FZD10: variants seen among roughly 807,000 people sequenced by gnomAD.
The protein encoded by FZD10 is frizzled-10.
A neutral mutation model predicts 24.4 loss-of-function variants in FZD10; 14 were observed. The ratio of observed to expected loss-of-function variants is 0.57; its 90% confidence interval spans 0.38 to 0.90. The LOEUF (loss-of-function observed/expected upper bound fraction) is 0.90. Ranked by LOEUF, FZD10 falls within the 40% of genes least tolerant of loss-of-function variation. The probability of loss-of-function intolerance (pLI) is 0.00; values close to 1 mark genes in which losing one functional copy is unlikely to be tolerated. For missense variants in FZD10, 775 were observed against 816.6 expected (o/e 0.95, Z 0.62); for synonymous variants, 381 against 349.1 (o/e 1.09, Z -1.02).
At position 130,163,236 on chromosome 12, in the gene FZD10, G is replaced by A; in HGVS notation, c.294G>A (p.Gln98=). ...CSLYAPMCTE[Q]VSTPIPACRV... ...TGTACGCGCCGATGTGCACCGAGCA[G>A]GTCTCTACCCCCATCCCCGCCTGCC... Residue 98 remains glutamine, a synonymous_variant, in exon 1 of 1, where the codon CAG becomes CAA. Coordinates refer to ENST00000229030, the MANE Select transcript of FZD10 (RefSeq NM_007197.4). 6.2e-7 allele frequency: 1 copy of A among 1,613,058 alleles called. No individual in the cohort carries two copies. Among genetic ancestry groups the A allele is most frequent in the South Asian group, 1.1e-5 (1 of 91,082 alleles).
chr12:130,164,232 C>G lies in FZD10; in HGVS notation c.1290C>G (p.Gly430=), dbSNP rs1244367397. 2 of 1,614,092 alleles carry G rather than the reference C, an allele frequency of 1.2e-6. No homozygotes were observed. Among genetic ancestry groups the G allele is most frequent in the South Asian group, 1.1e-5 (1 of 91,072 alleles). The change falls in exon 1 of 1, where the codon GGC becomes GGG. Residue 430 remains glycine, a synonymous_variant. Coordinates refer to ENST00000229030, the MANE Select transcript of FZD10 (RefSeq NM_007197.4). This position sits in a 1 kb window ranked among gnomAD's most constrained non-coding sequence, Gnocchi z 5.3. ...LFHIRRVMKT[G]GENTDKLEKL... Reference sequence around the variant, plus strand: ...ACATCCGGAGGGTGATGAAGACGGGCGGCGAGAACACGGACAAGCTGGAGA... The same window carrying G: ...ACATCCGGAGGGTGATGAAGACGGGGGGCGAGAACACGGACAAGCTGGAGA...
At position 130,162,818 on chromosome 12, in the gene FZD10, A is replaced by C; in HGVS notation, c.-125A>C. 10 of 569,094 alleles carry C rather than the reference A, an allele frequency of 1.8e-5. No individual in the cohort carries two copies. The highest frequency in any genetic ancestry group is 3.8e-5 in the East Asian group (1 of 26,396). The allele number at this position is 569,094 out of a possible 1,614,324, so 35.3% of individuals were successfully genotyped here. On this transcript the variant is annotated 5_prime_UTR_variant, in exon 1 of 1. Coordinates refer to ENST00000229030, the MANE Select transcript of FZD10 (RefSeq NM_007197.4). ...GGGCGCTGTGCGCAGCGCTCGGGCC[A>C]GGCCGGGCGGGCATGGGCGGGGGCC...
Position 130,162,863 on chromosome 12 carries a change from G to T in FZD10, c.-80G>T. On this transcript the variant is annotated 5_prime_UTR_variant, in exon 1 of 1. Coordinates refer to ENST00000229030, the MANE Select transcript of FZD10 (RefSeq NM_007197.4). ...GGGGCCCGAGCAGGGGTGGAGAGCC[G>T]GGGCCAGCAGCAGCCCGTGCCCGGG... The T allele has an allele frequency of 8.7e-7, 1 of 1,147,860 alleles. No homozygotes were observed. Among genetic ancestry groups the T allele is most frequent in the Non-Finnish European group, 1.2e-6 (1 of 850,288 alleles). 71.1% of individuals were successfully genotyped at this position (1,147,860 alleles called of 1,614,324 possible). A position where few individuals can be genotyped will look rare whatever the true frequency, so the allele number is the denominator to read the frequency against.
In FZD10 at chr12:130,163,937, T is replaced by A; in HGVS notation, c.995T>A (p.Leu332His). Residue 332 changes from leucine to histidine, a missense_variant, in exon 1 of 1, where the codon CTC becomes CAC. Coordinates refer to ENST00000229030, the MANE Select transcript of FZD10 (RefSeq NM_007197.4). Reference sequence around the variant, plus strand: ...TCGCTGTGGTGGGTGGTCCTCACGCTCACCTGGTTCCTGGCCGCCGGCAAG... The same window carrying A: ...TCGCTGTGGTGGGTGGTCCTCACGCACACCTGGTTCCTGGCCGCCGGCAAG... ...ASSLWWVVLT[L>H]TWFLAAGKKW... The A allele has an allele frequency of 6.2e-7, 1 of 1,613,754 alleles. No homozygotes were observed. The highest frequency in any genetic ancestry group is 2.2e-5 in the East Asian group (1 of 44,870).
rs1307773522 is a variant in FZD10, at chr12:130,165,448, G to A, written c.*760G>A. 1 of 166,956 alleles carries A rather than the reference G, an allele frequency of 6.0e-6. No homozygotes were observed. The highest frequency in any genetic ancestry group is 1.5e-5 in the Non-Finnish European group (1 of 68,106). The allele number at this position is 166,956 out of a possible 1,614,324, so 10.3% of individuals were successfully genotyped here. A position where few individuals can be genotyped will look rare whatever the true frequency, so the allele number is the denominator to read the frequency against. On this transcript the variant is annotated 3_prime_UTR_variant, in exon 1 of 1. Transcript: ENST00000229030. ...TGCTACATTTTGTGGCTTTTTAATGGAAACCAAGCCAATGTTATAGACGTT... is the reference window on the plus strand; with the variant it reads ...TGCTACATTTTGTGGCTTTTTAATGAAAACCAAGCCAATGTTATAGACGTT...
chr12:130,163,337 T>C lies in FZD10; in HGVS notation c.395T>C (p.Leu132Pro). The stretch of plus-strand genomic sequence containing the variant: ...TTCAACTTCAAGTGGCCCGACTCCC[T>C]GGACTGCCGGAAACTCCCCAACAAG... ...EQFNFKWPDS[L>P]DCRKLPNKND... is the part of the protein sequence containing the mutation. The change falls in exon 1 of 1, where the codon CTG becomes CCG. Residue 132 changes from leucine (L) to proline (P), a missense_variant. Physicochemically the swap from Leu to Pro is moderately conservative, Grantham distance 98. Coordinates refer to ENST00000229030, the MANE Select transcript of FZD10 (RefSeq NM_007197.4). 6.2e-7 allele frequency: 1 copy of C among 1,613,014 alleles called. No individual in the cohort carries two copies.
chr12:130,162,820 G>A lies in FZD10; in HGVS notation c.-123G>A. On this transcript the variant is annotated 5_prime_UTR_variant, in exon 1 of 1. Coordinates refer to ENST00000229030, the MANE Select transcript of FZD10 (RefSeq NM_007197.4). ...GCGCTGTGCGCAGCGCTCGGGCCAG[G>A]CCGGGCGGGCATGGGCGGGGGCCCG... 5.0e-6 allele frequency: 3 copies of A among 600,922 alleles called. No homozygotes were observed. Among genetic ancestry groups the A allele is most frequent in the Non-Finnish European group, 7.5e-6 (3 of 401,310 alleles). 37.2% of individuals were successfully genotyped at this position (600,922 alleles called of 1,614,324 possible).
rs1309244971 is a variant in FZD10, at chr12:130,164,107, A to T, written c.1165A>T (p.Met389Leu). 6.2e-7 allele frequency: 1 copy of T among 1,613,752 alleles called. No individual in the cohort carries two copies. Among genetic ancestry groups the T allele is most frequent in the South Asian group, 1.1e-5 (1 of 91,078 alleles). ...CACCGGGGTCTGCTACGTGGGCAGC[A>T]TGGACGTCAACGCGCTCACCGGCTT... The part of the protein sequence containing the change: ...ELTGVCYVGS[M>L]DVNALTGFVL... Residue 389 changes from methionine (M) to leucine (L), a missense_variant, in exon 1 of 1, where the codon ATG becomes TTG. Coordinates refer to ENST00000229030, the MANE Select transcript of FZD10 (RefSeq NM_007197.4). The surrounding 1 kb of genome is among the most constrained non-coding windows in gnomAD (Gnocchi z 5.3).
Position 130,162,631 on chromosome 12 carries a change from A to G in FZD10, c.-312A>G. 5.8e-6 allele frequency: 1 copy of G among 171,502 alleles called. No homozygotes were observed. The highest frequency in any genetic ancestry group is 1.2e-5 in the Non-Finnish European group (1 of 81,218). 10.6% of individuals were successfully genotyped at this position (171,502 alleles called of 1,614,324 possible). ...AGACGCGCCACCTGGGCGCTCCAAG[A>G]AGAGGCCGAAGTTTGCCGCGGCCGT... On this transcript the variant is annotated 5_prime_UTR_variant, in exon 1 of 1. Coordinates refer to ENST00000229030, the MANE Select transcript of FZD10 (RefSeq NM_007197.4).
chr12:130,163,250 T>A lies in FZD10; in HGVS notation c.308T>A (p.Ile103Asn). 1 of 1,612,774 alleles carries A rather than the reference T, an allele frequency of 6.2e-7. No homozygotes were observed. Among genetic ancestry groups the A allele is most frequent in the Non-Finnish European group, 8.5e-7 (1 of 1,179,924 alleles). The change falls in exon 1 of 1, where the codon ATC becomes AAC. Residue 103 changes from isoleucine (I) to asparagine (N), a missense_variant. Physicochemically the swap from Ile to Asn is moderately radical, Grantham distance 149. Transcript: ENST00000229030. ...PMCTEQVSTPIPACRVMCEQA... is the reference protein window; with the variant it reads ...PMCTEQVSTPNPACRVMCEQA... ...TGCACCGAGCAGGTCTCTACCCCCA[T>A]CCCCGCCTGCCGGGTCATGTGCGAG...
rs543498086 is a variant in FZD10, at chr12:130,163,439, C to T, written c.497C>T (p.Pro166Leu). 45 of 1,611,792 alleles carry T rather than the reference C, an allele frequency of 2.8e-5. No individual in the cohort carries two copies. Among genetic ancestry groups the T allele is most frequent in the Non-Finnish European group, 3.6e-5 (43 of 1,179,510 alleles). ...DEPTRGSGLFPPLFRPQRPHS... is the reference protein window; with the variant it reads ...DEPTRGSGLFLPLFRPQRPHS... ...CCCACCCGGGGCTCGGGCCTGTTCC[C>T]GCCGCTGTTCCGGCCGCAGCGGCCC... Residue 166 changes from proline to leucine, a missense_variant, in exon 1 of 1, where the codon CCG (proline) becomes CTG (leucine). Physicochemically the swap from Pro to Leu is moderately conservative, Grantham distance 98. Coordinates refer to ENST00000229030, the MANE Select transcript of FZD10 (RefSeq NM_007197.4).
rs753196210 is a variant in FZD10 at position 130,163,892 on chromosome 12, A to G, written c.950A>G (p.Tyr317Cys). The change falls in exon 1 of 1, where the codon TAC becomes TGC. Residue 317 changes from tyrosine to cysteine, a missense_variant. Physicochemically the swap from Tyr to Cys is radical, Grantham distance 194. Transcript: ENST00000229030. The part of the protein sequence containing the change: ...TGCTLVFLVL[Y>C]YFGMASSLWW... ...TGCACGCTGGTCTTCCTGGTCCTCT[A>G]CTACTTCGGCATGGCCAGCTCGCTG... 9 of 1,613,818 alleles carry G rather than the reference A, an allele frequency of 5.6e-6. No homozygotes were observed. The highest frequency in any genetic ancestry group is 6.8e-6 in the Non-Finnish European group (8 of 1,180,038).
In FZD10 at chr12:130,165,494, AG is replaced by A. The variant is rs1042295504; in HGVS notation, c.*812del. ...ACGTTTGGACTGATTTGTGGAAAGGAGGGGGGAAGAGGGAGAAGGATCATTC... is the reference window on the plus strand; with the variant it reads ...ACGTTTGGACTGATTTGTGGAAAGGAGGGGGAAGAGGGAGAAGGATCATTC... On this transcript the variant is annotated 3_prime_UTR_variant, in exon 1 of 1. Transcript: ENST00000229030. The A allele has an allele frequency of 1.8e-5, 3 of 166,942 alleles. No homozygotes were observed. The highest frequency in any genetic ancestry group is 7.2e-5 in the African/African-American group (3 of 41,430). 10.3% of individuals were successfully genotyped at this position (166,942 alleles called of 1,614,324 possible).
rs758993466 is a variant in FZD10, at chr12:130,163,894, T to C, written c.952T>C (p.Tyr318His). ...GCTLVFLVLYYFGMASSLWWV... is the reference protein window; with the variant it reads ...GCTLVFLVLYHFGMASSLWWV... Reference sequence around the variant, plus strand: ...CACGCTGGTCTTCCTGGTCCTCTACTACTTCGGCATGGCCAGCTCGCTGTG... The same window carrying C: ...CACGCTGGTCTTCCTGGTCCTCTACCACTTCGGCATGGCCAGCTCGCTGTG... The change falls in exon 1 of 1, where the codon TAC becomes CAC. Residue 318 changes from tyrosine to histidine, a missense_variant. By Grantham distance (83) the Tyr-to-His change is moderately conservative. Transcript: ENST00000229030. 4.3e-6 allele frequency: 7 copies of C among 1,613,976 alleles called. No individual in the cohort carries two copies. Among genetic ancestry groups the C allele is most frequent in the Non-Finnish European group, 5.9e-6 (7 of 1,180,028 alleles).
chr12:130,162,910 G>A lies in FZD10; in HGVS notation c.-33G>A. ...CGGGAGCGGCGGCGCTGAGGGGCGC[G>A]GAGCTCCCCGCGAGGACACGTCCAA... On this transcript the variant is annotated 5_prime_UTR_variant, in exon 1 of 1. Coordinates refer to ENST00000229030, the MANE Select transcript of FZD10 (RefSeq NM_007197.4). 6.9e-7 allele frequency: 1 copy of A among 1,455,338 alleles called. No individual in the cohort carries two copies. Among genetic ancestry groups the A allele is most frequent in the Non-Finnish European group, 9.1e-7 (1 of 1,099,258 alleles). 90.2% of individuals were successfully genotyped at this position (1,455,338 alleles called of 1,614,324 possible).
Position 130,164,638 on chromosome 12 carries a change from A to T in FZD10, c.1696A>T (p.Thr566Ser). 4 of 1,611,992 alleles carry T rather than the reference A, an allele frequency of 2.5e-6. No homozygotes were observed. The highest frequency in any genetic ancestry group is 3.4e-6 in the Non-Finnish European group (4 of 1,179,780). ...CAAAAAAGCCCAGCATCCCCAGAAA[A>T]CTCACCACGGGAAATATGAGATCCC... The part of the protein sequence containing the change: ...IYKKAQHPQK[T>S]HHGKYEIPAQ... The change falls in exon 1 of 1, where the codon ACT becomes TCT. Residue 566 changes from threonine to serine, a missense_variant. Coordinates refer to ENST00000229030, the MANE Select transcript of FZD10 (RefSeq NM_007197.4). The surrounding 1 kb of genome is among the most constrained non-coding windows in gnomAD (Gnocchi z 5.3).
Position 130,163,713 on chromosome 12 carries a change from C to A in FZD10, c.771C>A (p.Arg257=). 6.2e-7 allele frequency: 1 copy of A among 1,613,904 alleles called. No homozygotes were observed. The highest frequency in any genetic ancestry group is 8.5e-7 in the Non-Finnish European group (1 of 1,180,046). Residue 257 remains arginine (R), a synonymous_variant, in exon 1 of 1, where the codon CGC becomes CGA. Coordinates refer to ENST00000229030, the MANE Select transcript of FZD10 (RefSeq NM_007197.4). ...TCCTCATCGACCCGGCCCGCTTCCGCTACCCCGAGCGCCCCATCATCTTCC... is the reference window on the plus strand; with the variant it reads ...TCCTCATCGACCCGGCCCGCTTCCGATACCCCGAGCGCCCCATCATCTTCC... ...LTFLIDPARF[R]YPERPIIFLS...
chr12:130,163,914 G>T lies in FZD10; in HGVS notation c.972G>T (p.Ser324=), dbSNP rs1230625132. Residue 324 remains serine, a synonymous_variant, in exon 1 of 1, where the codon TCG becomes TCT. Coordinates refer to ENST00000229030, the MANE Select transcript of FZD10 (RefSeq NM_007197.4). ...LVLYYFGMAS[S]LWWVVLTLTW... The stretch of plus-strand genomic sequence containing the variant: ...TCTACTACTTCGGCATGGCCAGCTC[G>T]CTGTGGTGGGTGGTCCTCACGCTCA... The T allele has an allele frequency of 8.1e-6, 13 of 1,613,762 alleles. No individual in the cohort carries two copies. Among genetic ancestry groups the T allele is most frequent in the African/African-American group, 1.3e-5 (1 of 74,936 alleles).
In FZD10 at chr12:130,163,774, C is replaced by T. The variant is rs1871737623; in HGVS notation, c.832C>T (p.Leu278Phe). Residue 278 changes from leucine (L) to phenylalanine (F), a missense_variant, in exon 1 of 1, where the codon CTC (leucine) becomes TTC (phenylalanine). Transcript: ENST00000229030. The stretch of plus-strand genomic sequence containing the variant: ...CTACTGCGTCTACTCCGTGGGCTAC[C>T]TCATCCGCCTCTTCGCCGGCGCCGA... The part of the protein sequence containing the change: ...MCYCVYSVGY[L>F]IRLFAGAESI... 1 of 1,613,902 alleles carries T rather than the reference C, an allele frequency of 6.2e-7. No individual in the cohort carries two copies. The highest frequency in any genetic ancestry group is 2.2e-5 in the East Asian group (1 of 44,864).
Sources: allele counts gnomAD v4.1 joint callset, GRCh38; gene constraint gnomAD v4.1.1; non-coding constraint Gnocchi (gnomAD v3.1); transcripts MANE v1.5; gene names NCBI Gene and HGNC (gene_info 2026-07-23, HGNC 2026-07-21).